MALRD1: variants seen among roughly 807,000 people sequenced by gnomAD.
The protein encoded by MALRD1 is MAM and LDL-receptor class A domain-containing protein 1.
MALRD1 carries 247 observed loss-of-function variants against 242.1 expected under a neutral mutation model. That is an observed-to-expected ratio of 1.02 (90% CI 0.92 to 1.13). The LOEUF (loss-of-function observed/expected upper bound fraction) is 1.13. Ranked by LOEUF, MALRD1 falls within the 50% of genes most tolerant of loss-of-function variation. MALRD1 has a pLI of 0.00. For synonymous variants in MALRD1, 995 were observed against 866.6 expected (o/e 1.15, Z -2.60); for missense variants, 2,989 against 2,533.1 (o/e 1.18, Z -3.86).
intron 38 of MALRD1, chr10:19,722,478 T>C (rs371363070): frequency 6.6e-6 from 1 of 150,998 alleles, no homozygotes; most frequent in East Asian, 2.0e-4. Flanking sequence ...TAGTCCCAGC[T>C]AGTCAGAAGG....
At chr10:19,115,040 G>T (rs913668259) in intron 5 of MALRD1, among the ~76,000 whole-genome samples, 6 of 152,090 alleles carry the variant, frequency 3.9e-5, no homozygotes, top group Non-Finnish European at 7.4e-5. Flanking sequence ...GTAGTACTTT[G>T]GGTTAACAGT....
chr10:19,393,802 A>G (rs903264452), intron 28 of MALRD1, among the ~76,000 whole-genome samples: 1 of 150,862 alleles, frequency 6.6e-6, no homozygotes, highest in African/African-American at 2.4e-5. Flanking sequence ...TGAATACACT[A>G]AAAGTAATTT....
At chr10:19,295,950 AG>A (rs1841673081) in intron 21 of MALRD1, among the ~76,000 whole-genome samples, 1 of 152,198 alleles carries the variant, frequency 6.6e-6, no homozygotes, top group African/African-American at 2.4e-5. Context: ...CCTCACTTTG[AG>A]GACCACTTAG....
In MALRD1 at chr10:19,300,917, C is replaced by T. The variant is rs934125525; in HGVS notation, c.3419+17736C>T. ...CAAAAGAAGCTATCAACAGAGTAAA[C>T]AGAAAATCTATAGAATGGGAGAAAA... is the stretch of plus-strand genomic sequence containing the variant. On this transcript the variant is annotated intron_variant, in intron 21 of 39. Transcript: ENST00000454679. Among the ~76,000 whole-genome samples, 4 of 151,998 alleles carry T rather than the reference C, an allele frequency of 2.6e-5. No homozygotes were observed. The South Asian group carries it at 8.3e-4, about 31-fold the overall frequency.
chr10:19,618,362 C>G (rs1381742001), intron 36 of MALRD1, among the ~76,000 whole-genome samples: 3 of 152,016 alleles, frequency 2.0e-5, no homozygotes, highest in Non-Finnish European at 4.4e-5. Flanking sequence ...AATGGGATTG[C>G]TGGGTCCAAT....
intron 4 of MALRD1, among the ~76,000 whole-genome samples, chr10:19,099,632 G>A (rs905124696): frequency 2.6e-5 from 4 of 151,940 alleles, no homozygotes; most frequent in Admixed American, 1.3e-4. Context: ...TGAGGTGGGT[G>A]TTTGGGAAAT....
chr10:19,475,056 A>G (rs1836667071), intron 29 of MALRD1, among the ~76,000 whole-genome samples: 1 of 152,236 alleles, frequency 6.6e-6, no homozygotes, highest in South Asian at 2.1e-4. Flanking sequence ...GATTTGTTAA[A>G]TTTAACCAAA....
intron 29 of MALRD1, among the ~76,000 whole-genome samples, chr10:19,484,809 A>G (rs1361143015): frequency 6.6e-6 from 1 of 152,218 alleles, no homozygotes; most frequent in Non-Finnish European, 1.5e-5. Context: ...TGATCCAGCA[A>G]TCCCATTACT....
Position 19,268,587 on chromosome 10 carries a change from G to T in MALRD1, c.3079+10816G>T, listed in dbSNP as rs188901844. Reference sequence around the variant, plus strand: ...TAACTCAAAAAGTCACAGGGAAAACGTATACGTTGTTAGCTACAGGTAGAT... The same window carrying T: ...TAACTCAAAAAGTCACAGGGAAAACTTATACGTTGTTAGCTACAGGTAGAT... On this transcript the variant is annotated intron_variant, in intron 19 of 39. Coordinates refer to ENST00000454679, the MANE Select transcript of MALRD1 (RefSeq NM_001142308.3). 4.3e-3 allele frequency among the ~76,000 whole-genome samples: 653 copies of T among 152,188 alleles called. 3 individuals carry two copies. Among genetic ancestry groups the T allele is most frequent in the South Asian group, 0.015 (73 of 4,824 alleles).
At chr10:19,695,046 G>A (rs1310143348) in intron 38 of MALRD1, among the ~76,000 whole-genome samples, 1 of 152,130 alleles carries the variant, frequency 6.6e-6, no homozygotes, top group African/African-American at 2.4e-5. Flanking sequence ...CAGAGGAAGG[G>A]TGACATCACA....
intron 18 of MALRD1, among the ~76,000 whole-genome samples, chr10:19,234,397 A>G (rs1025811106): frequency 2.6e-4 from 34 of 128,774 alleles, no homozygotes; most frequent in African/African-American, 1.0e-3. Flanking sequence ...ATCACAGTTT[A>G]TGTTTTATTA....
At chr10:19,446,017 C>A (rs1256398740) in intron 28 of MALRD1, among the ~76,000 whole-genome samples, 1 of 152,268 alleles carries the variant, frequency 6.6e-6, no homozygotes. Context: ...CTCCTTCAGC[C>A]TCTCAGTTCA....
In MALRD1 at chr10:19,607,953, C is replaced by T. The variant is rs1302167997; in HGVS notation, c.6070+51C>T. The T allele has an allele frequency of 4.6e-6, 7 of 1,530,514 alleles. No individual in the cohort carries two copies. The East Asian group carries it at 9.9e-5, about 22-fold the overall frequency. 94.8% of individuals were successfully genotyped at this position (1,530,514 alleles called of 1,614,324 possible). On this transcript the variant is annotated intron_variant, in intron 35 of 39. Coordinates refer to ENST00000454679, the MANE Select transcript of MALRD1 (RefSeq NM_001142308.3). ...TTGTGATATGAACCAGCAACTTAAC[C>T]TGCAACACAATGAAAATATTAAAAC...
chr10:19,170,975 T>A (rs1394906339), intron 13 of MALRD1, among the ~76,000 whole-genome samples: 1 of 152,114 alleles, frequency 6.6e-6, no homozygotes, highest in East Asian at 1.9e-4. Context: ...TACTCCTTCT[T>A]ACTATATCTC....
At position 19,633,495 on chromosome 10, in the gene MALRD1, C is replaced by G. The variant is rs77277434; in HGVS notation, c.6137+17572C>G. 9.3e-3 allele frequency among the ~76,000 whole-genome samples: 1,412 copies of G among 152,254 alleles called. 19 individuals are homozygous for G. Among genetic ancestry groups the G allele is most frequent in the African/African-American group, 0.032 (1,326 of 41,544 alleles). On this transcript the variant is annotated intron_variant, in intron 36 of 39. Coordinates refer to ENST00000454679, the MANE Select transcript of MALRD1 (RefSeq NM_001142308.3). ...AGTAGCTGGAACATTGGAAACTCCA[C>G]TTCTCCCCTTAGAAGTGGGTCAAAA...
chr10:19,550,962 C>A (rs558620712), intron 32 of MALRD1, among the ~76,000 whole-genome samples: 1 of 152,260 alleles, frequency 6.6e-6, no homozygotes, highest in South Asian at 2.1e-4. Context: ...TTCTCCACAA[C>A]CTTGCCAGCA....
At chr10:19,507,686 A>G (rs151204284) in intron 31 of MALRD1, among the ~76,000 whole-genome samples, 5 of 152,288 alleles carry the variant, frequency 3.3e-5, no homozygotes, top group African/African-American at 1.2e-4. Flanking sequence ...TTGGATACTC[A>G]AAAGGAGTTA....
chr10:19,343,172 T>G (rs1843959944), intron 24 of MALRD1, among the ~76,000 whole-genome samples: 1 of 152,092 alleles, frequency 6.6e-6, no homozygotes, highest in South Asian at 2.1e-4. Context: ...AATAACAAAA[T>G]ACACTGGAAA....
At chr10:19,480,169 C>G (rs542602603) in intron 29 of MALRD1, among the ~76,000 whole-genome samples, 7 of 152,150 alleles carry the variant, frequency 4.6e-5, no homozygotes, top group Non-Finnish European at 1.0e-4. Flanking sequence ...GCTCATGAGT[C>G]AGGAGTAGAG....
Sources: allele counts gnomAD v4.1 joint callset (sites outside exome capture counted in the v4.1 genomes callset), GRCh38; gene constraint gnomAD v4.1.1; transcripts MANE v1.5; gene names NCBI Gene and HGNC (gene_info 2026-07-23, HGNC 2026-07-21).